The following TENM2 variants were observed in gnomAD, a reference collection of about 807,000 sequenced individuals.
TENM2 encodes teneurin transmembrane protein 2.
A neutral mutation model predicts 245.2 loss-of-function variants in TENM2; 52 were observed. The ratio of observed to expected loss-of-function variants is 0.21; its 90% CI spans 0.17 to 0.27. The LOEUF (loss-of-function observed/expected upper bound fraction) is 0.27, where lower values mean the gene tolerates loss of function less well. Among genes scored for constraint, TENM2 ranks in the 10% least tolerant of loss-of-function variants. TENM2 has a pLI of 1.00. For synonymous variants in TENM2, 1,363 were observed against 1,438.9 expected (o/e 0.95, Z 1.19); for missense variants, 3,046 against 3,666.8 (o/e 0.83, Z 4.37).
chr5:168,263,951 A>T (rs1581812276), downstream of TENM2: 2 of 152,706 alleles, frequency 1.3e-5, no homozygotes, highest in East Asian at 1.9e-4. Flanking sequence ...AACAAAAAAA[A>T]TTTTAAAAAT....
At chr5:167,030,120 G>C in the TENM2 span, among the ~76,000 whole-genome samples, 1 of 152,096 alleles carries the variant, frequency 6.6e-6, no homozygotes, top group Non-Finnish European at 1.5e-5. Flanking sequence ...CTATTCAATG[G>C]TCACTGCAAA....
chr5:167,640,422 A>C (rs1309180291), intron 2 of TENM2, among the ~76,000 whole-genome samples: 1 of 152,116 alleles, frequency 6.6e-6, no homozygotes, highest in African/African-American at 2.4e-5. Context: ...GTTCAAGACC[A>C]GCCTGGCCAA....
chr5:167,616,278 CTG>C (rs1441543506), intron 2 of TENM2, among the ~76,000 whole-genome samples: 2 of 152,098 alleles, frequency 1.3e-5, no homozygotes, highest in Non-Finnish European at 2.9e-5. Context: ...ATTTGTTAAA[CTG>C]TAAAAATGTA....
chr5:167,502,394 A>G (rs867510956), intron 2 of TENM2, among the ~76,000 whole-genome samples: 5 of 152,200 alleles, frequency 3.3e-5, no homozygotes, highest in African/African-American at 9.6e-5. Flanking sequence ...TGTATTATAT[A>G]TGCTCAAGAA....
chr5:167,549,652 A>T (rs184496325), intron 2 of TENM2, among the ~76,000 whole-genome samples: 4 of 152,296 alleles, frequency 2.6e-5, no homozygotes, highest in African/African-American at 7.2e-5. Flanking sequence ...GATTTGATGT[A>T]TCTGTACCAT....
At chr5:167,004,270 T>C in the TENM2 span, among the ~76,000 whole-genome samples, 3,204 of 152,278 alleles carry the variant, frequency 0.021, 48 homozygotes, top group Non-Finnish European at 0.031. Context: ...TTACATCTCA[T>C]TGGAACAATA....
intron 2 of TENM2, among the ~76,000 whole-genome samples, chr5:167,583,474 A>ACACACACT (rs1491216558): frequency 5.1e-4 from 2 of 3,952 alleles, no homozygotes; most frequent in African/African-American, 2.8e-3. Context: ...GAGTATATGT[A>ACACACACT]CACACACACA....
intron 3 of TENM2, among the ~76,000 whole-genome samples, chr5:167,926,812 C>T (rs1014206148): frequency 3.3e-5 from 5 of 151,504 alleles, no homozygotes; most frequent in East Asian, 2.0e-4. Context: ...TTGACTGTGT[C>T]GACGTCAATT....
chr5:167,094,358 A>G, the TENM2 span, among the ~76,000 whole-genome samples: 1 of 152,026 alleles, frequency 6.6e-6, no homozygotes, highest in East Asian at 1.9e-4. Flanking sequence ...CCAGGAAACC[A>G]TTGTTCTGCT....
At chr5:168,038,121 C>G (rs247991) in intron 5 of TENM2, among the ~76,000 whole-genome samples, 6,823 of 152,278 alleles carry the variant, frequency 0.045, 252 homozygotes, top group Non-Finnish European at 0.062. Flanking sequence ...CTAACACTTA[C>G]CAGCTGCGTG....
the TENM2 span, among the ~76,000 whole-genome samples, chr5:166,984,987 C>A: frequency 6.6e-6 from 1 of 152,044 alleles, no homozygotes; most frequent in Non-Finnish European, 1.5e-5. Context: ...ACGTACTGAG[C>A]TAAATCTGAT....
chr5:167,629,508 A>G (rs556334307), intron 2 of TENM2, among the ~76,000 whole-genome samples: 1 of 152,322 alleles, frequency 6.6e-6, no homozygotes, highest in African/African-American at 2.4e-5. Context: ...TTATTTTTAT[A>G]TCACTGTCTC....
At chr5:167,276,351 TTTGTGTGTG>T in the TENM2 span, among the ~76,000 whole-genome samples, 3 of 35,410 alleles carry the variant, frequency 8.5e-5, no homozygotes, top group African/African-American at 1.8e-4. Flanking sequence ...GCCTGTTCAT[TTTGTGTGTG>T]TGTGTGTGTG....
At chr5:167,747,403 A>T (rs77755943) in intron 2 of TENM2, among the ~76,000 whole-genome samples, 2,097 of 152,276 alleles carry the variant, frequency 0.014, 44 homozygotes, top group Non-Finnish European at 0.017. Flanking sequence ...TCAATTCTCC[A>T]TTTCCCTGCC....
At chr5:168,000,850 T>C (rs1784370410) in intron 5 of TENM2, among the ~76,000 whole-genome samples, 1 of 152,140 alleles carries the variant, frequency 6.6e-6, no homozygotes, top group Admixed American at 6.6e-5. Context: ...AAATTCTGAA[T>C]CTTATAGTCA....
intron 2 of TENM2, among the ~76,000 whole-genome samples, chr5:167,582,538 A>T (rs961368472): frequency 1.3e-5 from 2 of 152,178 alleles, no homozygotes; most frequent in African/African-American, 4.8e-5. Context: ...AAATGGTGAA[A>T]TGATGATAGT....
intron 3 of TENM2, among the ~76,000 whole-genome samples, chr5:167,906,045 C>T (rs1400442906): frequency 6.6e-6 from 1 of 152,110 alleles, no homozygotes; most frequent in African/African-American, 2.4e-5. Flanking sequence ...ATTATTAGCA[C>T]AGACTGTAAT....
chr5:167,743,264 A>G (rs1025475501), intron 2 of TENM2, among the ~76,000 whole-genome samples: 2 of 152,096 alleles, frequency 1.3e-5, no homozygotes, highest in African/African-American at 4.8e-5. Flanking sequence ...ATGAAACCTG[A>G]TCAAAAAGCT....
intron 13 of TENM2, among the ~76,000 whole-genome samples, chr5:168,178,207 C>T (rs575099464): frequency 2.6e-5 from 4 of 152,192 alleles, no homozygotes; most frequent in Non-Finnish European, 4.4e-5. Flanking sequence ...CTGAGGGCCC[C>T]AGCAGGTCAC....
Sources: gnomAD v4.1 joint callset for allele counts (sites outside exome capture counted in the v4.1 genomes callset) on GRCh38, gnomAD v4.1.1 for gene constraint, MANE v1.5 for transcripts, NCBI Gene and HGNC (gene_info 2026-07-23, HGNC 2026-07-21) for gene names.